Variants in RPS6KC1 observed in about 807,000 individuals in gnomAD.
RPS6KC1 encodes the protein inactive ribosomal protein S6 kinase delta-1.
Under a neutral mutation model 103.8 loss-of-function variants are expected in RPS6KC1, and 54 were observed. That is an observed-to-expected ratio of 0.52 (90% CI 0.42 to 0.65). RPS6KC1 has a LOEUF of 0.65. Ranked by LOEUF, RPS6KC1 falls within the 30% of genes least tolerant of loss-of-function variation. The pLI is 0.00. For synonymous variants in RPS6KC1, 439 were observed against 438.7 expected (o/e 1.00, Z -0.01); for missense variants, 1,151 against 1,253.8 (o/e 0.92, Z 1.24).
At position 213,187,241 on chromosome 1, in the gene RPS6KC1, C is replaced by T. The variant is rs1027679891; in HGVS notation, c.1044+10749C>T. Among the ~76,000 whole-genome samples the T allele has an allele frequency of 1.1e-3, 167 of 148,428 alleles. 3 individuals are homozygous for T. In the East Asian group the frequency reaches 0.031, roughly 28 times the overall value. The stretch of plus-strand genomic sequence containing the variant: ...CAGTTTCTTTTTTTTAAATTTTTTT[C>T]TTCTTCTTCTTTTTTTTTTTTTTTT... On this transcript the variant is annotated intron_variant, in intron 8 of 14. Transcript: ENST00000366960.
the RPS6KC1 span, among the ~76,000 whole-genome samples, chr1:213,394,521 A>AC: frequency 2.8e-4 from 42 of 150,906 alleles, no homozygotes; most frequent in African/African-American, 8.1e-4. Flanking sequence ...CTTGCTCCTT[A>AC]CCTCCCTCGG....
At chr1:213,611,076 T>G in the RPS6KC1 span, among the ~76,000 whole-genome samples, 1 of 152,222 alleles carries the variant, frequency 6.6e-6, no homozygotes, top group Non-Finnish European at 1.5e-5. Flanking sequence ...CCAACAATAT[T>G]GCAAGCTTTT....
At chr1:213,748,907 C>T in the RPS6KC1 span, among the ~76,000 whole-genome samples, 1 of 152,188 alleles carries the variant, frequency 6.6e-6, no homozygotes, top group Non-Finnish European at 1.5e-5. Context: ...TTGGATACCT[C>T]ATGTAAATGG....
the RPS6KC1 span, among the ~76,000 whole-genome samples, chr1:213,755,587 T>G: frequency 6.6e-6 from 1 of 152,198 alleles, no homozygotes; most frequent in Non-Finnish European, 1.5e-5. Context: ...GTCTCTGTAG[T>G]GGCAGCTGGA....
intron 13 of RPS6KC1, among the ~76,000 whole-genome samples, chr1:213,262,373 T>A (rs1318244153): frequency 6.6e-6 from 1 of 152,242 alleles, no homozygotes; most frequent in Non-Finnish European, 1.5e-5. Flanking sequence ...TTCTAAACTC[T>A]GTAGGGTTTT....
chr1:213,213,824 G>C lies in RPS6KC1; in HGVS notation c.1045-16673G>C, dbSNP rs572858935. Among the ~76,000 whole-genome samples, 149 of 152,010 alleles carry C rather than the reference G, an allele frequency of 9.8e-4. 1 individual carries two copies. The highest frequency in any genetic ancestry group is 1.5e-3 in the Non-Finnish European group (105 of 68,016). ...ATCTTGGAAGATAAACTTAACTCTG[G>C]TAGCATTTGCTCTGTTTTCAGCTAT... On this transcript the variant is annotated intron_variant, in intron 8 of 14. Coordinates refer to ENST00000366960, the MANE Select transcript of RPS6KC1 (RefSeq NM_012424.6).
chr1:213,849,865 T>C, the RPS6KC1 span, among the ~76,000 whole-genome samples: 1 of 152,136 alleles, frequency 6.6e-6, no homozygotes, highest in African/African-American at 2.4e-5. Flanking sequence ...TAAATTACAT[T>C]ACTCTGGTGG....
At chr1:213,763,521 A>T in the RPS6KC1 span, among the ~76,000 whole-genome samples, 2 of 152,296 alleles carry the variant, frequency 1.3e-5, no homozygotes, top group East Asian at 3.9e-4. Context: ...TATTCATGGG[A>T]CCTGGTCCTT....
intron 6 of RPS6KC1, among the ~76,000 whole-genome samples, chr1:213,137,799 A>ATATT (rs1572765998): frequency 3.6e-4 from 5 of 13,996 alleles, no homozygotes; most frequent in South Asian, 5.2e-3. Context: ...ATATATATAT[A>ATATT]TTTTTTTTTT....
the RPS6KC1 span, among the ~76,000 whole-genome samples, chr1:213,728,133 C>T: frequency 6.6e-6 from 1 of 151,616 alleles, no homozygotes; most frequent in Non-Finnish European, 1.5e-5. Context: ...TATGAAGCAG[C>T]GTGATAAGCG....
chr1:213,411,781 C>A, the RPS6KC1 span, among the ~76,000 whole-genome samples: 3 of 152,080 alleles, frequency 2.0e-5, no homozygotes, highest in Non-Finnish European at 4.4e-5. Flanking sequence ...ACAGCCTGGG[C>A]TTAGAGGTGG....
At chr1:213,170,900 T>C (rs1180206954) in intron 7 of RPS6KC1, among the ~76,000 whole-genome samples, 1 of 152,240 alleles carries the variant, frequency 6.6e-6, no homozygotes, top group East Asian at 1.9e-4. Context: ...GTGTAAATGA[T>C]TTCTAAGGCC....
At chr1:213,582,259 A>G in the RPS6KC1 span, among the ~76,000 whole-genome samples, 1 of 152,122 alleles carries the variant, frequency 6.6e-6, no homozygotes, top group Non-Finnish European at 1.5e-5. Flanking sequence ...GTGATTTGAG[A>G]TAAGTAGTTT....
chr1:213,671,373 G>T, the RPS6KC1 span, among the ~76,000 whole-genome samples: 1 of 152,290 alleles, frequency 6.6e-6, no homozygotes, highest in East Asian at 1.9e-4. Context: ...GGCTGGGGTG[G>T]GGAGGTGGAG....
chr1:213,430,363 G>C, the RPS6KC1 span, among the ~76,000 whole-genome samples: 2 of 152,180 alleles, frequency 1.3e-5, no homozygotes, highest in Non-Finnish European at 2.9e-5. Flanking sequence ...TTTTTCTTCA[G>C]GGTGCAATTT....
chr1:213,284,529 A>G, the RPS6KC1 span, among the ~76,000 whole-genome samples: 1 of 152,150 alleles, frequency 6.6e-6, no homozygotes, highest in African/African-American at 2.4e-5. Context: ...AAAAAAGTGA[A>G]TAAATACAAC....
At chr1:213,670,156 C>T in the RPS6KC1 span, among the ~76,000 whole-genome samples, 137 of 152,300 alleles carry the variant, frequency 9.0e-4, no homozygotes, top group African/African-American at 3.2e-3. Flanking sequence ...GCAAATCCTT[C>T]GAGGAGGTCC....
At chr1:213,664,192 C>T in the RPS6KC1 span, among the ~76,000 whole-genome samples, 5 of 29,858 alleles carry the variant, frequency 1.7e-4, no homozygotes, top group South Asian at 1.4e-3. Flanking sequence ...AAGAAATGAG[C>T]GGGGGGGCGG....
chr1:213,422,398 T>C, the RPS6KC1 span, among the ~76,000 whole-genome samples: 19,211 of 152,262 alleles, frequency 0.13, 1,582 homozygotes, highest in Non-Finnish European at 0.18. Context: ...CACTCATCTG[T>C]CAATGAATAT....
Sources: allele counts gnomAD v4.1 joint callset (sites outside exome capture counted in the v4.1 genomes callset), GRCh38; gene constraint gnomAD v4.1.1; transcripts MANE v1.5; gene names NCBI Gene and HGNC (gene_info 2026-07-23, HGNC 2026-07-21).